AGTPBP1: variants seen among roughly 807,000 people sequenced by gnomAD.
AGTPBP1 encodes cytosolic carboxypeptidase 1.
In AGTPBP1, 70 loss-of-function variants were observed where a neutral mutation model predicts 143.9. The observed-to-expected ratio is 0.49, with a 90% CI of 0.40 to 0.59. AGTPBP1 has a LOEUF of 0.59. AGTPBP1 is among the 20% of genes least tolerant of loss of function. The pLI, the probability that AGTPBP1 is intolerant of heterozygous loss-of-function variation, is 0.00. For synonymous variants in AGTPBP1, 463 were observed against 500.2 expected (o/e 0.93, Z 0.99); for missense variants, 1,229 against 1,464.5 (o/e 0.84, Z 2.62).
chr9:85,619,379 A>AGTCAC, intron 15 of AGTPBP1, 78 bp from the exon 16 acceptor site: 1 of 1,042,710 alleles, frequency 9.6e-7, no homozygotes, highest in Non-Finnish European at 1.4e-6. Flanking sequence ...TAAAATTATA[A>AGTCAC]TTAAAAATAC....
the AGTPBP1 span, among the ~76,000 whole-genome samples, chr9:85,786,752 G>A: frequency 6.6e-6 from 1 of 151,962 alleles, no homozygotes; most frequent in African/African-American, 2.4e-5. Flanking sequence ...ATATATATTC[G>A]GGGAGTTTTA....
chr9:85,711,045 G>A (rs1172904938), intron 2 of AGTPBP1, among the ~76,000 whole-genome samples: 1 of 152,104 alleles, frequency 6.6e-6, no homozygotes. Context: ...TAAACAGTGT[G>A]TATACTATTC....
chr9:85,566,630 A>C (rs1827120924), intron 25 of AGTPBP1, among the ~76,000 whole-genome samples: 2 of 152,282 alleles, frequency 1.3e-5, no homozygotes, highest in South Asian at 2.1e-4. Flanking sequence ...TAAAATACAA[A>C]ATAGGATGAC....
chr9:85,718,827 T>A (rs987303059), intron 1 of AGTPBP1, among the ~76,000 whole-genome samples: 3 of 152,196 alleles, frequency 2.0e-5, no homozygotes, highest in African/African-American at 7.2e-5. Context: ...CTTTAAACCA[T>A]CGTGAGTTAA....
At chr9:85,730,459 C>T (rs1184652832) in intron 1 of AGTPBP1, among the ~76,000 whole-genome samples, 1 of 152,140 alleles carries the variant, frequency 6.6e-6, no homozygotes, top group Non-Finnish European at 1.5e-5. Context: ...CTCCAGTAGG[C>T]AAGGCTTTTC....
intron 14 of AGTPBP1, 134 bp downstream of exon 14, chr9:85,632,528 A>C: frequency 3.7e-6 from 3 of 809,070 alleles, no homozygotes; most frequent in Non-Finnish European, 5.5e-6. Context: ...AAAATTTCCA[A>C]AGCAGAATTT....
At chr9:85,759,385 A>C in the AGTPBP1 span, among the ~76,000 whole-genome samples, 1 of 152,162 alleles carries the variant, frequency 6.6e-6, no homozygotes, top group Non-Finnish European at 1.5e-5. Flanking sequence ...AGCACTCCTC[A>C]GCAAATGTAA....
intron 14 of AGTPBP1, among the ~76,000 whole-genome samples, chr9:85,621,515 CA>C (rs902559965): frequency 3.5e-5 from 5 of 142,962 alleles, no homozygotes; most frequent in Non-Finnish European, 5.9e-5. Flanking sequence ...CAGCCAGCCA[CA>C]AGTCCAATCA....
chr9:85,741,612 C>G (rs756063916), intron 1 of AGTPBP1, 163 bp downstream of exon 1: 1 of 985,286 alleles, frequency 1.0e-6, no homozygotes, highest in Admixed American at 6.1e-5. Context: ...GTTCCCCTCA[C>G]GCGTCACATG....
intron 25 of AGTPBP1, among the ~76,000 whole-genome samples, chr9:85,549,473 G>A (rs1825914607): frequency 6.6e-6 from 1 of 152,210 alleles, no homozygotes; most frequent in Non-Finnish European, 1.5e-5. Flanking sequence ...ACTGGTTGCT[G>A]GGAGCCCAGC....
chr9:85,649,520 G>T (rs1833019954), intron 11 of AGTPBP1, among the ~76,000 whole-genome samples: 1 of 152,098 alleles, frequency 6.6e-6, no homozygotes, highest in African/African-American at 2.4e-5. Flanking sequence ...ATCCTCCACA[G>T]ATACTGATAA....
chr9:85,714,406 TTGAA>T (rs1837570164), intron 1 of AGTPBP1, among the ~76,000 whole-genome samples: 1 of 152,194 alleles, frequency 6.6e-6, no homozygotes. Context: ...TAATTGGTGT[TTGAA>T]TGAGGATAAC....
chr9:85,771,570 T>C, the AGTPBP1 span, among the ~76,000 whole-genome samples: 1 of 152,182 alleles, frequency 6.6e-6, no homozygotes, highest in African/African-American at 2.4e-5. Context: ...AGTAAGCTAC[T>C]GTTATTGTTA....
chr9:85,799,308 T>C, the AGTPBP1 span, among the ~76,000 whole-genome samples: 1 of 152,172 alleles, frequency 6.6e-6, no homozygotes, highest in African/African-American at 2.4e-5. Flanking sequence ...TGTATGTCTT[T>C]ATAGTAGCAT....
intron 14 of AGTPBP1, among the ~76,000 whole-genome samples, chr9:85,630,944 A>G (rs1363893400): frequency 6.6e-6 from 1 of 152,160 alleles, no homozygotes; most frequent in Admixed American, 6.6e-5. Context: ...GTTAAAATTG[A>G]GGAAGGGAGT....
chr9:85,643,155 T>C (rs993601912), intron 12 of AGTPBP1: 1 of 521,834 alleles, frequency 1.9e-6, no homozygotes, highest in Admixed American at 3.5e-5. Flanking sequence ...TTTGTTTTTG[T>C]CATGGTTACT....
intron 8 of AGTPBP1, among the ~76,000 whole-genome samples, chr9:85,667,344 T>C (rs1242836771): frequency 6.6e-6 from 1 of 152,134 alleles, no homozygotes; most frequent in Non-Finnish European, 1.5e-5. Flanking sequence ...GGAAATGTCC[T>C]GAACCCTATT....
At chr9:85,593,586 T>TA (rs1829109172) in intron 18 of AGTPBP1, among the ~76,000 whole-genome samples, 1 of 152,184 alleles carries the variant, frequency 6.6e-6, no homozygotes, top group Non-Finnish European at 1.5e-5. Context: ...AAGATTGTCT[T>TA]AAACAGCCTT....
the AGTPBP1 span, among the ~76,000 whole-genome samples, chr9:85,779,230 G>GATATAGAT: frequency 2.9e-4 from 25 of 86,314 alleles, no homozygotes; most frequent in African/African-American, 1.0e-3. Flanking sequence ...TATAGATATA[G>GATATAGAT]ATATAGATAT....
Sources: allele counts gnomAD v4.1 joint callset (sites outside exome capture counted in the v4.1 genomes callset), GRCh38; gene constraint gnomAD v4.1.1; transcripts MANE v1.5; gene names NCBI Gene and HGNC (gene_info 2026-07-23, HGNC 2026-07-21).